ZMYM2: variants seen among roughly 807,000 people sequenced by gnomAD.
ZMYM2 encodes the protein zinc finger MYM-type containing 2.
A neutral mutation model predicts 162.8 loss-of-function variants in ZMYM2; 56 were observed. The observed-to-expected ratio is 0.34, with a 90% CI of 0.28 to 0.43. The LOEUF is 0.43. ZMYM2 is among the 20% of genes least tolerant of loss of function. The pLI, the probability that ZMYM2 is intolerant of heterozygous loss-of-function variation, is 1.00. For missense variants in ZMYM2, 1,275 were observed against 1,621.8 expected, an observed-to-expected ratio of 0.79 and a Z score of 3.67; for synonymous variants, 510 against 541.6, an observed-to-expected ratio of 0.94 and a Z score of 0.81.
chr13:19,905,864 G>C, the ZMYM2 span, among the ~76,000 whole-genome samples: 1 of 152,278 alleles, frequency 6.6e-6, no homozygotes, highest in African/African-American at 2.4e-5. Flanking sequence ...ACTTGGGCTG[G>C]GCATGGCGGC....
At chr13:20,015,628 G>A (rs1237967585) in intron 6 of ZMYM2, among the ~76,000 whole-genome samples, 1 of 151,976 alleles carries the variant, frequency 6.6e-6, no homozygotes, top group Non-Finnish European at 1.5e-5. Flanking sequence ...TTTTACGTCT[G>A]TTAATTTATT....
the ZMYM2 span, chr13:19,864,147 C>T: frequency 6.5e-6 from 1 of 153,148 alleles, no homozygotes; most frequent in African/African-American, 2.4e-5. Context: ...CTTGAAGGCC[C>T]CCAAGAGGGG....
chr13:19,979,027 ATT>A (rs140872149), intron 2 of ZMYM2, among the ~76,000 whole-genome samples: 92 of 152,000 alleles, frequency 6.1e-4, no homozygotes, highest in South Asian at 2.5e-3. Flanking sequence ...TGGCTGACAG[ATT>A]TTTTTCCCCC....
chr13:19,962,509 A>ATTT, intron 2 of ZMYM2, among the ~76,000 whole-genome samples: 1 of 57,132 alleles, frequency 1.8e-5, no homozygotes, highest in African/African-American at 6.5e-5. Flanking sequence ...ATATATATAT[A>ATTT]TATATATTTT....
chr13:19,967,507 A>G (rs1394895417), intron 2 of ZMYM2, among the ~76,000 whole-genome samples: 2 of 152,182 alleles, frequency 1.3e-5, no homozygotes, highest in Non-Finnish European at 2.9e-5. Context: ...TGTTATATAA[A>G]ACTGGATTGT....
intron 2 of ZMYM2, among the ~76,000 whole-genome samples, chr13:19,982,137 C>G (rs1469244151): frequency 6.6e-6 from 1 of 152,136 alleles, no homozygotes; most frequent in African/African-American, 2.4e-5. Context: ...GAGCTTGCAC[C>G]TGAACTGTGC....
intron 12 of ZMYM2, among the ~76,000 whole-genome samples, chr13:20,037,732 A>G (rs1953861760): frequency 6.6e-6 from 1 of 152,184 alleles, no homozygotes; most frequent in African/African-American, 2.4e-5. Context: ...GTGTCATACT[A>G]AACCCACTTT....
the ZMYM2 span, among the ~76,000 whole-genome samples, chr13:19,872,186 A>G: frequency 6.6e-6 from 1 of 151,258 alleles, no homozygotes; most frequent in Non-Finnish European, 1.5e-5. Context: ...CATGTTGCCC[A>G]GGCTGGCTGT....
At chr13:19,986,779 A>G (rs1321871877) in intron 2 of ZMYM2, among the ~76,000 whole-genome samples, 1 of 152,050 alleles carries the variant, frequency 6.6e-6, no homozygotes, top group African/African-American at 2.4e-5. Context: ...CTTAAAGTAG[A>G]ATCATTATTA....
chr13:19,939,446 G>T, the ZMYM2 span, among the ~76,000 whole-genome samples: 8 of 151,950 alleles, frequency 5.3e-5, 1 homozygote, highest in Admixed American at 1.3e-4. Context: ...ATAGGCCATA[G>T]TATATGATTT....
intron 17 of ZMYM2, among the ~76,000 whole-genome samples, chr13:20,061,580 T>A (rs928633669): frequency 1.3e-5 from 2 of 151,948 alleles, no homozygotes; most frequent in African/African-American, 4.8e-5. Flanking sequence ...TTATCCCTAG[T>A]TTTTTGTTTT....
At chr13:19,910,104 G>A in the ZMYM2 span, among the ~76,000 whole-genome samples, 1 of 151,722 alleles carries the variant, frequency 6.6e-6, no homozygotes, top group African/African-American at 2.4e-5. Context: ...GCGGGTGCCT[G>A]TAGTCCCAGC....
intron 3 of ZMYM2, among the ~76,000 whole-genome samples, chr13:20,000,644 C>CAAA (rs1394531591): frequency 6.6e-6 from 1 of 152,142 alleles, no homozygotes; most frequent in African/African-American, 2.4e-5. Context: ...GTGTTGAGAC[C>CAAA]TTTTGTTCAG....
At chr13:19,892,477 A>G in the ZMYM2 span, among the ~76,000 whole-genome samples, 12,736 of 150,726 alleles carry the variant, frequency 0.084, 649 homozygotes, top group Middle Eastern at 0.12. Context: ...GGATTTCACC[A>G]TGTTAGATAG....
At chr13:19,911,032 T>G in the ZMYM2 span, among the ~76,000 whole-genome samples, 1 of 147,888 alleles carries the variant, frequency 6.8e-6, no homozygotes, top group Admixed American at 7.1e-5. Context: ...AGCCCTTTAG[T>G]CAGTTCCCAG....
At chr13:19,979,786 A>G (rs981497300) in intron 2 of ZMYM2, among the ~76,000 whole-genome samples, 2 of 152,154 alleles carry the variant, frequency 1.3e-5, no homozygotes, top group Admixed American at 6.5e-5. Context: ...GGTTTGTACT[A>G]TTCACTTATG....
At chr13:19,881,925 T>C in the ZMYM2 span, among the ~76,000 whole-genome samples, 20 of 144,334 alleles carry the variant, frequency 1.4e-4, no homozygotes, top group African/African-American at 5.3e-4. Context: ...GCAGCTGCAG[T>C]GAGCCAAGAT....
chr13:20,013,701 A>G (rs1444355616), intron 6 of ZMYM2, among the ~76,000 whole-genome samples: 2 of 152,020 alleles, frequency 1.3e-5, no homozygotes. Context: ...TGTGGTCTTT[A>G]TCTTTGCTCT....
chr13:20,083,259 T>G (rs1958028581), intron 23 of ZMYM2, among the ~76,000 whole-genome samples: 1 of 152,058 alleles, frequency 6.6e-6, no homozygotes, highest in South Asian at 2.1e-4. Flanking sequence ...ACAGGGTTTC[T>G]CCATGTTGGT....
Sources: gnomAD v4.1 joint callset for allele counts (sites outside exome capture counted in the v4.1 genomes callset) on GRCh38, gnomAD v4.1.1 for gene constraint, MANE v1.5 for transcripts, NCBI Gene and HGNC (gene_info 2026-07-23, HGNC 2026-07-21) for gene names.